Variants in TANC1 observed in about 807,000 individuals in gnomAD.
TANC1 encodes the protein protein TANC1.
In TANC1, 77 loss-of-function variants were observed where a neutral mutation model predicts 149.7. The observed-to-expected ratio is 0.51, with a 90% confidence interval of 0.43 to 0.62. The LOEUF is 0.62. Among genes scored for constraint, TANC1 ranks in the 20% least tolerant of loss-of-function variants. The pLI, the probability that TANC1 is intolerant of heterozygous loss-of-function variation, is 0.00. For synonymous variants in TANC1, 854 were observed against 925.0 expected, an observed-to-expected ratio of 0.92 and a Z score of 1.39; for missense variants, 1,985 against 2,321.8, an observed-to-expected ratio of 0.85 and a Z score of 2.98.
intron 4 of TANC1, among the ~76,000 whole-genome samples, chr2:159,132,713 G>A (rs2050233318): frequency 6.7e-6 from 1 of 148,408 alleles, no homozygotes; most frequent in Non-Finnish European, 1.5e-5. Context: ...TACCCAGGCT[G>A]GTCTGGAACT....
chr2:159,163,226 T>A, intron 7 of TANC1, 57 bp from the exon 8 acceptor site: 1 of 1,555,812 alleles, frequency 6.4e-7, no homozygotes, highest in East Asian at 2.3e-5. Flanking sequence ...CATGTTTTAA[T>A]TCTTCAGCCC....
At chr2:159,066,033 C>A in intron 3 of TANC1, 62 bp downstream of exon 3, 1 of 1,309,856 alleles carries the variant, frequency 7.6e-7, no homozygotes, top group Non-Finnish European at 1.1e-6. Flanking sequence ...CTCCTCACCC[C>A]AGGCCGGATG....
At chr2:159,032,258 C>T (rs1256925971) in intron 2 of TANC1, among the ~76,000 whole-genome samples, 2 of 152,190 alleles carry the variant, frequency 1.3e-5, no homozygotes, top group Non-Finnish European at 2.9e-5. Flanking sequence ...TATTCCAGAT[C>T]AGAATGGCAG....
At position 159,219,764 on chromosome 2, in the gene TANC1, C is replaced by T. The variant is rs374962588; in HGVS notation, c.3575C>T (p.Ala1192Val). Residue 1192 changes from alanine to valine, a missense_variant, in exon 22 of 27, where the codon GCA (alanine) becomes GTA (valine). By Grantham distance (64) the Ala-to-Val change is moderately conservative. This residue lies in a region of TANC1 where 920 missense variants were observed against 994.7 expected (regional missense o/e 0.92). Transcript: ENST00000263635. ...LSWACLKGHR[A>V]VVQYLVEEGA... The stretch of plus-strand genomic sequence containing the variant: ...TGGGCTTGTCTGAAAGGTCACAGGG[C>T]AGTGGTCCAGTATCTGGTTGAAGAA... 10 of 1,614,076 alleles carry T rather than the reference C, an allele frequency of 6.2e-6. No individual in the cohort carries two copies. In the African/African-American group the frequency reaches 1.2e-4, roughly 19 times the overall value.
At chr2:159,006,118 A>G (rs772404885) in intron 2 of TANC1, among the ~76,000 whole-genome samples, 1 of 151,926 alleles carries the variant, frequency 6.6e-6, no homozygotes, top group Non-Finnish European at 1.5e-5. Context: ...TAACATGGTA[A>G]AACCCCCGTC....
At chr2:159,124,711 C>G (rs1274969932) in intron 4 of TANC1, among the ~76,000 whole-genome samples, 1 of 152,106 alleles carries the variant, frequency 6.6e-6, no homozygotes, top group Non-Finnish European at 1.5e-5. Context: ...ATTTTCTTAA[C>G]CATTCCTACA....
At chr2:158,992,415 CT>C (rs1420657227) in intron 1 of TANC1, among the ~76,000 whole-genome samples, 1 of 143,504 alleles carries the variant, frequency 7.0e-6, no homozygotes, top group Non-Finnish European at 1.5e-5. Flanking sequence ...ATTTTATTCT[CT>C]TCCTTCCTTC....
chr2:158,980,871 CTGT>C lies in TANC1; in HGVS notation c.-126+12100_-126+12102del, dbSNP rs985654940. ...ATCAAGGTTCACATTGCACTGTGGG[CTGT>C]TGTTGTTGTTTGTCTCTTTCGTCTT... On this transcript the variant is annotated intron_variant, in intron 1 of 26. Coordinates refer to ENST00000263635, the MANE Select transcript of TANC1 (RefSeq NM_033394.3). 1.7e-4 allele frequency among the ~76,000 whole-genome samples: 26 copies of C among 151,836 alleles called. 1 individual carries two copies. Among genetic ancestry groups the C allele is most frequent in the South Asian group, 1.0e-3 (5 of 4,804 alleles).
intron 4 of TANC1, among the ~76,000 whole-genome samples, chr2:159,127,078 G>T (rs2049527169): frequency 6.6e-6 from 1 of 152,146 alleles, no homozygotes; most frequent in Admixed American, 6.5e-5. Flanking sequence ...ACTTGAAAGT[G>T]TTAACATTTA....
chr2:159,083,269 T>TA (rs1307313724), intron 3 of TANC1, among the ~76,000 whole-genome samples: 2 of 151,946 alleles, frequency 1.3e-5, no homozygotes, highest in Non-Finnish European at 2.9e-5. Context: ...TTTTTTTTTT[T>TA]AAATAACAAT....
intron 4 of TANC1, among the ~76,000 whole-genome samples, chr2:159,116,451 CAACAAAA>C (rs2048262955): frequency 1.5e-5 from 2 of 135,302 alleles, no homozygotes; most frequent in African/African-American, 6.1e-5. Flanking sequence ...ACAACAACAA[CAACAAAA>C]AAAAAAAAAC....
At chr2:159,127,498 G>T (rs1559309401) in intron 4 of TANC1, among the ~76,000 whole-genome samples, 1 of 152,182 alleles carries the variant, frequency 6.6e-6, no homozygotes, top group Non-Finnish European at 1.5e-5. Flanking sequence ...CTGTAAAGAC[G>T]TGCACACGTA....
intron 2 of TANC1, among the ~76,000 whole-genome samples, chr2:159,041,935 G>T (rs1271135665): frequency 6.6e-6 from 1 of 152,118 alleles, no homozygotes; most frequent in Non-Finnish European, 1.5e-5. Context: ...CCCCATGTTC[G>T]AGTTGAGACT....
In TANC1 at chr2:159,163,512, C is replaced by T. The variant is rs373046648; in HGVS notation, c.912C>T (p.Ser304=). The T allele has an allele frequency of 3.7e-6, 6 of 1,612,994 alleles. No individual in the cohort carries two copies. In the African/African-American group the frequency reaches 6.7e-5, roughly 18 times the overall value. Residue 304 remains serine (S), a synonymous_variant, in exon 8 of 27, where the codon AGC becomes AGT. Transcript: ENST00000263635. The stretch of plus-strand genomic sequence containing the variant: ...CAGTCCCTTATTCTCAGGGCTCCAG[C>T]TCACTAATAATGCCACGGCCCAACT... ...DGPVPYSQGS[S]SLIMPRPNSV...
In TANC1 at chr2:159,136,297, T is replaced by C. The variant is rs751021873; in HGVS notation, c.363T>C (p.His121=). The stretch of plus-strand genomic sequence containing the variant: ...CCAAGCCAACAGAGCCTGATGAGCA[T>C]GGTAAGAATTTCAGTGATTTCCTTC... ...EVAKPTEPDE[H]EAKADNEPSC... is the part of the protein sequence containing the mutation. Residue 121 remains histidine (H), a splice_region_variant and synonymous_variant, in exon 5 of 27, where the codon CAT becomes CAC. Coordinates refer to ENST00000263635, the MANE Select transcript of TANC1 (RefSeq NM_033394.3). 1.9e-6 allele frequency: 3 copies of C among 1,560,044 alleles called. No individual in the cohort carries two copies. The highest frequency in any genetic ancestry group is 2.7e-6 in the Non-Finnish European group (3 of 1,130,698).
intron 2 of TANC1, chr2:159,027,064 G>A (rs750013106): frequency 1.5e-4 from 22 of 151,108 alleles, no homozygotes; most frequent in Non-Finnish European, 2.2e-4. Flanking sequence ...ATGAATTTGC[G>A]TGTTATCCTT....
intron 3 of TANC1, among the ~76,000 whole-genome samples, chr2:159,076,571 C>T (rs1040682088): frequency 3.3e-5 from 5 of 152,210 alleles, no homozygotes; most frequent in Admixed American, 6.5e-5. Context: ...AGCAACATTT[C>T]CTTAATAAAT....
intron 3 of TANC1, among the ~76,000 whole-genome samples, chr2:159,074,924 G>T (rs957375606): frequency 6.6e-6 from 1 of 152,002 alleles, no homozygotes; most frequent in East Asian, 1.9e-4. Context: ...TTATAAGAGC[G>T]CTAATCTCAT....
chr2:159,195,538 G>T (rs866330554), intron 17 of TANC1, among the ~76,000 whole-genome samples: 8 of 149,840 alleles, frequency 5.3e-5, no homozygotes, highest in Non-Finnish European at 8.8e-5. Flanking sequence ...GAGATAAACT[G>T]CTAATTATCT....
Sources: allele counts gnomAD v4.1 joint callset (sites outside exome capture counted in the v4.1 genomes callset), GRCh38; gene constraint gnomAD v4.1.1; regional missense constraint gnomAD v4.1.1; transcripts MANE v1.5; gene names NCBI Gene and HGNC (gene_info 2026-07-23, HGNC 2026-07-21).